Variants in TRAF7 observed in about 807,000 individuals in gnomAD.
The protein encoded by TRAF7 is E3 ubiquitin-protein ligase TRAF7.
In TRAF7, 45 loss-of-function variants were observed where a neutral mutation model predicts 89.3. The ratio of observed to expected loss-of-function variants is 0.50; its 90% CI spans 0.40 to 0.65. The LOEUF (loss-of-function observed/expected upper bound fraction) is 0.65, where lower values mean the gene tolerates loss of function less well. Among genes scored for constraint, TRAF7 ranks in the 30% least tolerant of loss-of-function variants. The pLI, the probability that TRAF7 is intolerant of heterozygous loss-of-function variation, is 0.00. For missense variants in TRAF7, 677 were observed against 918.1 expected, an observed-to-expected ratio of 0.74 and a Z score of 3.39; for synonymous variants, 406 against 369.2, an observed-to-expected ratio of 1.10 and a Z score of -1.14.
intron 3 of TRAF7, among the ~76,000 whole-genome samples, chr16:2,166,986 C>G (rs1489689936): frequency 1.3e-5 from 2 of 152,208 alleles, no homozygotes; most frequent in Admixed American, 6.5e-5. Flanking sequence ...TTTTTAATTG[C>G]TCTGATAAAC....
At chr16:2,174,394 C>A (rs1465701536) in intron 14 of TRAF7, 61 bp downstream of exon 14, 3 of 1,535,714 alleles carry the variant, frequency 2.0e-6, no homozygotes, top group African/African-American at 2.7e-5. Context: ...CGCTGCCACC[C>A]CGTGGGCCGT....
chr16:2,170,580 G>T, intron 4 of TRAF7, 34 bp from the exon 5 acceptor site: 1 of 1,560,534 alleles, frequency 6.4e-7, no homozygotes, highest in Non-Finnish European at 8.8e-7. Context: ...ACCCCGTGCG[G>T]AGCCCCCCGA....
intron 1 of TRAF7, among the ~76,000 whole-genome samples, chr16:2,160,096 G>A (rs1456722053): frequency 6.6e-6 from 1 of 152,182 alleles, no homozygotes; most frequent in Non-Finnish European, 1.5e-5. Flanking sequence ...AGGCGCTGAG[G>A]AAGACTTCCA....
chr16:2,176,403 G>T lies in TRAF7; in HGVS notation c.1998+19G>T, dbSNP rs768649213. 1 of 1,610,906 alleles carries T rather than the reference G, an allele frequency of 6.2e-7. No homozygotes were observed. Among genetic ancestry groups the T allele is most frequent in the South Asian group, 1.1e-5 (1 of 91,020 alleles). ...TGTGAAGGTCAGTGCCCGTGGCTCA[G>T]GCCATTCAAAGGGGCTGCACAGGAT... On this transcript the variant is annotated intron_variant, in intron 20 of 20. Coordinates refer to ENST00000326181, the MANE Select transcript of TRAF7 (RefSeq NM_032271.3).
chr16:2,176,183 G>A lies in TRAF7; in HGVS notation c.1878+3G>A, dbSNP rs555935480. The A allele has an allele frequency of 3.7e-6, 6 of 1,605,048 alleles. No individual in the cohort carries two copies. Among genetic ancestry groups the A allele is most frequent in the Middle Eastern group, 1.6e-4 (1 of 6,076 alleles). On this transcript the variant is annotated splice_donor_region_variant and intron_variant, in intron 19 of 20. Transcript: ENST00000326181. ...CATCCTACGACCGGTCCCTCAGGGTGCGTGCTGGCCCAGCGGTGGCAGGAG... is the reference window on the plus strand; with the variant it reads ...CATCCTACGACCGGTCCCTCAGGGTACGTGCTGGCCCAGCGGTGGCAGGAG...
chr16:2,156,789 GAGGCGGTCCGATCTAGGTCCAGTAAA>G (rs2141260610), intron 1 of TRAF7, among the ~76,000 whole-genome samples: 1 of 152,286 alleles, frequency 6.6e-6, no homozygotes, highest in Non-Finnish European at 1.5e-5. Context: ...AAGCGCTGGA[GAGGCGGTCCGATCTAGGTCCAGTAAA>G]GAGCTTTCTA....
Position 2,158,768 on chromosome 16 carries a change from C to CGGGG in TRAF7, c.-39+2920_-39+2923dup. Among the ~76,000 whole-genome samples the CGGGG allele has an allele frequency of 2.0e-5, 1 of 50,912 alleles. No individual in the cohort carries two copies. Among genetic ancestry groups the CGGGG allele is most frequent in the East Asian group, 5.1e-4 (1 of 1,954 alleles). 33.4% of individuals were successfully genotyped at this position (50,912 alleles called of 152,430 possible). A position where few individuals can be genotyped will look rare whatever the true frequency, so the allele number is the denominator to read the frequency against. On this transcript the variant is annotated intron_variant, in intron 1 of 20. Transcript: ENST00000326181. This position sits in a 1 kb window ranked among gnomAD's most constrained non-coding sequence, Gnocchi z 4.7. Reference sequence around the variant, plus strand: ...GTGGGACTGGGAAGCGTGGGCTCGGCGGGGGGGGGGGGGACACTGCCACCC... The same window carrying CGGGG: ...GTGGGACTGGGAAGCGTGGGCTCGGCGGGGGGGGGGGGGGGGGACACTGCCACCC...
In TRAF7 at chr16:2,161,209, G is replaced by A. The variant is rs1362351513; in HGVS notation, c.-38-2674G>A. ...TCCTTCCGTCCCCCTCCCTCCCTCCGTCCCCCTGCTTCCCTCTGCCCCCTC... is the reference window on the plus strand; with the variant it reads ...TCCTTCCGTCCCCCTCCCTCCCTCCATCCCCCTGCTTCCCTCTGCCCCCTC... On this transcript the variant is annotated intron_variant, in intron 1 of 20. Transcript: ENST00000326181. This position sits in a 1 kb window ranked among gnomAD's most constrained non-coding sequence, Gnocchi z 5.2. Among the ~76,000 whole-genome samples the A allele has an allele frequency of 1.2e-4, 4 of 34,334 alleles. No homozygotes were observed. The highest frequency in any genetic ancestry group is 2.3e-4 in the African/African-American group (2 of 8,532). 22.5% of individuals were successfully genotyped at this position (34,334 alleles called of 152,430 possible).
chr16:2,172,439 C>T (rs751996644), intron 8 of TRAF7, 26 bp from the exon 9 acceptor site: 1 of 1,610,578 alleles, frequency 6.2e-7, no homozygotes, highest in Non-Finnish European at 8.5e-7. Context: ...CTGGCTGAGG[C>T]CTCCCCGCAT....
Position 2,164,343 on chromosome 16 carries a change from G to T in TRAF7, c.81+342G>T, listed in dbSNP as rs200515764. On this transcript the variant is annotated intron_variant, in intron 2 of 20. Transcript: ENST00000326181. The stretch of plus-strand genomic sequence containing the variant: ...ATGGTAAAGCGTGTTAGTGCTGCGT[G>T]GCGCGGCCTGGTTGCATGGTTAAGC... Among the ~76,000 whole-genome samples the T allele has an allele frequency of 4.7e-5, 7 of 148,700 alleles. No individual in the cohort carries two copies. In the East Asian group the frequency reaches 1.2e-3, roughly 26 times the overall value.
Position 2,178,113 on chromosome 16 carries a change from A to G in TRAF7, c.*1539A>G, listed in dbSNP as rs1198361771. 3.0e-5 allele frequency: 15 copies of G among 505,772 alleles called. No individual in the cohort carries two copies. The highest frequency in any genetic ancestry group is 3.2e-4 in the Middle Eastern group (1 of 3,114). The allele number at this position is 505,772 out of a possible 1,614,324, so 31.3% of individuals were successfully genotyped here. A position where few individuals can be genotyped will look rare whatever the true frequency, so the allele number is the denominator to read the frequency against. On this transcript the variant is annotated 3_prime_UTR_variant, in exon 21 of 21. Coordinates refer to ENST00000326181, the MANE Select transcript of TRAF7 (RefSeq NM_032271.3). ...GCCTCAGCTCATTCCCAATAAATTAATACTCTTGATAGCTTATATTCTGGG... is the reference window on the plus strand; with the variant it reads ...GCCTCAGCTCATTCCCAATAAATTAGTACTCTTGATAGCTTATATTCTGGG...
intron 12 of TRAF7, 23 bp downstream of exon 12, chr16:2,173,859 T>TGCCC: frequency 3.2e-6 from 4 of 1,246,254 alleles, no homozygotes; most frequent in Non-Finnish European, 4.4e-6. Context: ...CCGCCGTGGC[T>TGCCC]CCCGCCCACC....
At chr16:2,172,687 G>A (rs927573232) in intron 9 of TRAF7, 88 bp downstream of exon 9, 10 of 1,440,076 alleles carry the variant, frequency 6.9e-6, no homozygotes, top group Non-Finnish European at 8.4e-6. Context: ...TGGTCCCGGG[G>A]AGGTAGGCCG....
chr16:2,175,249 C>T, intron 15 of TRAF7, 52 bp from the exon 16 acceptor site: 2 of 1,612,402 alleles, frequency 1.2e-6, no homozygotes, highest in Admixed American at 1.7e-5. Flanking sequence ...GGGCTCCAGA[C>T]TCCAGGTGGC....
chr16:2,171,392 A>G (rs2141285732), intron 6 of TRAF7, 36 bp downstream of exon 6: 2 of 1,541,544 alleles, frequency 1.3e-6, no homozygotes, highest in Non-Finnish European at 1.8e-6. Context: ...CCCTGCTGCC[A>G]GAGGCCCCCA....
In TRAF7 at chr16:2,168,268, A is replaced by G. The variant is rs1444799225; in HGVS notation, c.231+100A>G. 8 of 993,936 alleles carry G rather than the reference A, an allele frequency of 8.0e-6. No homozygotes were observed. Among genetic ancestry groups the G allele is most frequent in the Non-Finnish European group, 1.2e-5 (8 of 674,690 alleles). The allele number at this position is 993,936 out of a possible 1,614,324, so 61.6% of individuals were successfully genotyped here. ...AGGAGGAGTTGACAGTGAGCTGGTGAGGCACAGGAGAAGAAGAGCACCTGT... is the reference window on the plus strand; with the variant it reads ...AGGAGGAGTTGACAGTGAGCTGGTGGGGCACAGGAGAAGAAGAGCACCTGT... On this transcript the variant is annotated intron_variant, in intron 4 of 20. Coordinates refer to ENST00000326181, the MANE Select transcript of TRAF7 (RefSeq NM_032271.3). This position sits in a 1 kb window ranked among gnomAD's most constrained non-coding sequence, Gnocchi z 4.1.
At position 2,172,201 on chromosome 16, in the gene TRAF7, C is replaced by T. The variant is rs752623393; in HGVS notation, c.486C>T (p.Pro162=). Residue 162 remains proline, a synonymous_variant, in exon 8 of 21, where the codon CCC becomes CCT. Transcript: ENST00000326181. ...RRCALKSEKC[P]VDNVKLTVVV... ...GCCCTCCTCTCCCAGAGAAGTGTCCCGTGGACAACGTCAAACTGACCGTGG... is the reference window on the plus strand; with the variant it reads ...GCCCTCCTCTCCCAGAGAAGTGTCCTGTGGACAACGTCAAACTGACCGTGG... 2.5e-5 allele frequency: 40 copies of T among 1,613,030 alleles called. No homozygotes were observed. Among genetic ancestry groups the T allele is most frequent in the Non-Finnish European group, 2.8e-5 (33 of 1,179,964 alleles).
rs1053557316 is a variant in TRAF7 at position 2,163,179 on chromosome 16, G to A, written c.-38-704G>A. 5.3e-5 allele frequency among the ~76,000 whole-genome samples: 8 copies of A among 152,132 alleles called. No homozygotes were observed. The highest frequency in any genetic ancestry group is 2.0e-4 in the Admixed American group (3 of 15,270). ...CTCTCTTCTGGGGAGGGTGATTCCC[G>A]CATGCCTTCTCCCTGCCCCCCCACC... On this transcript the variant is annotated intron_variant, in intron 1 of 20. Coordinates refer to ENST00000326181, the MANE Select transcript of TRAF7 (RefSeq NM_032271.3). This position sits in a 1 kb window ranked among gnomAD's most constrained non-coding sequence, Gnocchi z 4.3.
At position 2,175,491 on chromosome 16, in the gene TRAF7, T is replaced by C. The variant is rs2141294518; in HGVS notation, c.1504-9T>C. 6.2e-7 allele frequency: 1 copy of C among 1,613,012 alleles called. No homozygotes were observed. Among genetic ancestry groups the C allele is most frequent in the South Asian group, 1.1e-5 (1 of 91,078 alleles). On this transcript the variant is annotated splice_polypyrimidine_tract_variant and intron_variant, in intron 16 of 20. Transcript: ENST00000326181. Reference sequence around the variant, plus strand: ...CCCGCCCAGCCCACAGTTGCAGCAATCCCTGCAGGTCTGGGACATCGTGGG... The same window carrying C: ...CCCGCCCAGCCCACAGTTGCAGCAACCCCTGCAGGTCTGGGACATCGTGGG...
Sources: gnomAD v4.1 joint callset for allele counts (sites outside exome capture counted in the v4.1 genomes callset) on GRCh38, gnomAD v4.1.1 for gene constraint, Gnocchi (gnomAD v3.1) non-coding constraint, MANE v1.5 for transcripts, NCBI Gene and HGNC (gene_info 2026-07-23, HGNC 2026-07-21) for gene names.